The following ZNF839 variants were observed in gnomAD, a reference collection of about 807,000 sequenced individuals.
ZNF839 encodes renal carcinoma antigen NY-REN-50.
ZNF839 carries 38 observed loss-of-function variants against 56.4 expected under a neutral mutation model. The ratio of observed to expected loss-of-function variants is 0.67; its 90% CI spans 0.52 to 0.88. The LOEUF is 0.88. Among genes scored for constraint, ZNF839 ranks in the 40% least tolerant of loss-of-function variants. The pLI, the probability that ZNF839 is intolerant of heterozygous loss-of-function variation, is 0.00. For missense variants in ZNF839, 1,091 were observed against 1,177.6 expected (o/e 0.93, Z 1.08); for synonymous variants, 486 against 493.5 (o/e 0.98, Z 0.20).
At chr14:102,319,585 C>T, upstream of ZNF839, 1 of 829,378 alleles carries the variant, frequency 1.2e-6, no homozygotes, top group Non-Finnish European at 1.6e-6. The surrounding 1 kb of genome is among the most constrained non-coding windows in gnomAD (Gnocchi z 4.5). Context: ...GCTGATCAGC[C>T]CTAAGAGCCG....
Position 102,335,703 on chromosome 14 carries a change from T to C in ZNF839, c.1524T>C (p.His508=). 2.5e-6 allele frequency: 4 copies of C among 1,595,272 alleles called. No individual in the cohort carries two copies. Among genetic ancestry groups the C allele is most frequent in the Non-Finnish European group, 3.4e-6 (4 of 1,178,248 alleles). ...EFLLMKVEKD[H]LAKPFFPAIY... is the part of the protein sequence containing the mutation. ...TCTTCACGAAGGTTGAAAAAGATCA[T>C]CTAGCAAAGCCTTTTTTCCCAGCTA... Residue 508 remains histidine, a synonymous_variant, in exon 5 of 8, where the codon CAT becomes CAC. Transcript: ENST00000442396.
intron 7 of ZNF839, among the ~76,000 whole-genome samples, chr14:102,339,534 C>T (rs1472828744): frequency 6.6e-6 from 1 of 152,086 alleles, no homozygotes; most frequent in Admixed American, 6.6e-5. Flanking sequence ...CACCTGACGT[C>T]GGGAATTCGA....
upstream of ZNF839, among the ~76,000 whole-genome samples, chr14:102,317,854 A>G (rs1442904837): frequency 1.3e-5 from 2 of 152,186 alleles, no homozygotes; most frequent in Non-Finnish European, 2.9e-5. Context: ...TTGAAGCCAG[A>G]GCAAGTGGAT....
rs752654978 is a variant in ZNF839 at position 102,326,797 on chromosome 14, G to A, written c.1101G>A (p.Leu367=). 1.2e-6 allele frequency: 2 copies of A among 1,612,004 alleles called. No individual in the cohort carries two copies. Among genetic ancestry groups the A allele is most frequent in the South Asian group, 2.2e-5 (2 of 90,664 alleles). Residue 367 remains leucine, a synonymous_variant, in exon 2 of 8, where the codon CTG becomes CTA. Coordinates refer to ENST00000442396, the MANE Select transcript of ZNF839 (RefSeq NM_018335.6). The surrounding 1 kb of genome is among the most constrained non-coding windows in gnomAD (Gnocchi z 4.3). Reference sequence around the variant, plus strand: ...GCACGGAGGAAAGGACGCTCAGCCTGACCTCCCTGGGGCTGTCCATGCCAG... The same window carrying A: ...GCACGGAGGAAAGGACGCTCAGCCTAACCTCCCTGGGGCTGTCCATGCCAG... ...RGCTEERTLS[L]TSLGLSMPAD...
chr14:102,319,981 G>C lies in ZNF839; in HGVS notation c.216G>C (p.Ala72=), dbSNP rs767697188. 1 of 1,171,160 alleles carries C rather than the reference G, an allele frequency of 8.5e-7. No individual in the cohort carries two copies. 72.5% of individuals were successfully genotyped at this position (1,171,160 alleles called of 1,614,324 possible). ...ACGCGGCGCGGCGGCTGCGGGACGC[G>C]GCCCAACAGGCCGCCCTGCAGCGGG... The part of the protein sequence containing the change: ...LRDAARRLRD[A]AQQAALQRGR... Residue 72 remains alanine (A), a synonymous_variant, in exon 1 of 8, where the codon GCG becomes GCC. Coordinates refer to ENST00000442396, the MANE Select transcript of ZNF839 (RefSeq NM_018335.6). This position sits in a 1 kb window ranked among gnomAD's most constrained non-coding sequence, Gnocchi z 4.5.
chr14:102,320,822 C>T (rs1050100867), intron 1 of ZNF839, among the ~76,000 whole-genome samples: 1 of 152,172 alleles, frequency 6.6e-6, no homozygotes, highest in Non-Finnish European at 1.5e-5. Flanking sequence ...AAGACGGTCG[C>T]CCAACTCCGG....
chr14:102,341,842 G>A lies in ZNF839; in HGVS notation c.2447G>A (p.Arg816Lys). Residue 816 changes from arginine (R) to lysine (K), a missense_variant, in exon 8 of 8, where the codon AGG (arginine) becomes AAG (lysine). Transcript: ENST00000442396. ...AGCGTGGCAGTGGACTGTGCCTACA[G>A]GACTGTGCCCAAGCCAGGGCCTCAG... The part of the protein sequence containing the change: ...VDSVAVDCAY[R>K]TVPKPGPQPG... The A allele has an allele frequency of 1.1e-5, 17 of 1,614,050 alleles. No individual in the cohort carries two copies. The highest frequency in any genetic ancestry group is 2.2e-5 in the East Asian group (1 of 44,884).
chr14:102,326,624 C>T lies in ZNF839; in HGVS notation c.928C>T (p.Pro310Ser), dbSNP rs1433893273. 1.2e-6 allele frequency: 2 copies of T among 1,613,582 alleles called. No homozygotes were observed. The highest frequency in any genetic ancestry group is 1.7e-6 in the Non-Finnish European group (2 of 1,179,758). Residue 310 changes from proline to serine, a missense_variant, in exon 2 of 8, where the codon CCC becomes TCC. Transcript: ENST00000442396. This position sits in a 1 kb window ranked among gnomAD's most constrained non-coding sequence, Gnocchi z 4.3. ...TGACTTATCGAGCTGCTCCCTGAGG[C>T]CCAAAAGCTTTAAGTGTCAGACTTG... ...LFDLSSCSLRPKSFKCQTCEK... is the reference protein window; with the variant it reads ...LFDLSSCSLRSKSFKCQTCEK...
At chr14:102,317,832 T>A (rs1338446149), upstream of ZNF839, among the ~76,000 whole-genome samples, 1 of 152,198 alleles carries the variant, frequency 6.6e-6, no homozygotes, top group Admixed American at 6.6e-5. Context: ...TTCTTCCTCT[T>A]GGTTCTACAT....
upstream of ZNF839, chr14:102,319,737 C>G: frequency 3.3e-6 from 4 of 1,227,774 alleles, no homozygotes; most frequent in Non-Finnish European, 4.1e-6. This position sits in a 1 kb window ranked among gnomAD's most constrained non-coding sequence, Gnocchi z 4.5. Flanking sequence ...CGCTCAGCGA[C>G]CCGGGTTCGA....
chr14:102,341,055 C>T (rs988636233), intron 7 of ZNF839: 26 of 181,494 alleles, frequency 1.4e-4, no homozygotes, highest in South Asian at 2.2e-4. Flanking sequence ...GGTGACAGAG[C>T]GAGACTCCAT....
In ZNF839 at chr14:102,341,643, T is replaced by G. The variant is rs778415082; in HGVS notation, c.2248T>G (p.Leu750Val). The change falls in exon 8 of 8, where the codon TTG (leucine) becomes GTG (valine). Residue 750 changes from leucine (L) to valine (V), a missense_variant. Leu to Val is a conservative substitution (Grantham distance 32, BLOSUM62 1). Around this residue, in one of 3 missense-constraint regions of ZNF839, gnomAD observed 431 missense variants for 468.0 expected, o/e 0.92. Transcript: ENST00000442396. The part of the protein sequence containing the change: ...SLRSPGFCSP[L>V]SSGGGAESLP... ...GAGGAGCCCGGGTTTCTGCAGCCCT[T>G]TGTCATCTGGTGGTGGAGCAGAGTC... 2.9e-5 allele frequency: 46 copies of G among 1,613,804 alleles called. No individual in the cohort carries two copies. The highest frequency in any genetic ancestry group is 3.9e-5 in the Non-Finnish European group (46 of 1,179,870).
Position 102,341,811 on chromosome 14 carries a change from G to C in ZNF839, c.2416G>C (p.Val806Leu). ...CCCTCCGCTTGAGAAAATTTTGTCTGTGGATAGCGTGGCAGTGGACTGTGC... is the reference window on the plus strand; with the variant it reads ...CCCTCCGCTTGAGAAAATTTTGTCTCTGGATAGCGTGGCAGTGGACTGTGC... Reference protein sequence around the residue: ...AAPPLEKILSVDSVAVDCAYR... With the variant: ...AAPPLEKILSLDSVAVDCAYR... The change falls in exon 8 of 8, where the codon GTG becomes CTG. Residue 806 changes from valine (V) to leucine (L), a missense_variant. This residue lies in a region of ZNF839 where 431 missense variants were observed against 468.0 expected (regional missense o/e 0.92). Coordinates refer to ENST00000442396, the MANE Select transcript of ZNF839 (RefSeq NM_018335.6). 1 of 1,614,030 alleles carries C rather than the reference G, an allele frequency of 6.2e-7. No homozygotes were observed. The highest frequency in any genetic ancestry group is 1.1e-5 in the South Asian group (1 of 91,084).
chr14:102,326,742 A>G lies in ZNF839; in HGVS notation c.1046A>G (p.Glu349Gly). 5 of 1,613,216 alleles carry G rather than the reference A, an allele frequency of 3.1e-6. No individual in the cohort carries two copies. The highest frequency in any genetic ancestry group is 4.2e-6 in the Non-Finnish European group (5 of 1,179,606). ...TTGGACCCCGAGATGGTGCTGTCTG[A>G]GAAAGCCAGTGGAAGCACCCTCCGG... ...GQLDPEMVLS[E>G]KASGSTLRGC... is the part of the protein sequence containing the mutation. Residue 349 changes from glutamate to glycine, a missense_variant, in exon 2 of 8, where the codon GAG (glutamate) becomes GGG (glycine). Glu to Gly is a moderately conservative substitution (Grantham distance 98). Coordinates refer to ENST00000442396, the MANE Select transcript of ZNF839 (RefSeq NM_018335.6). This position sits in a 1 kb window ranked among gnomAD's most constrained non-coding sequence, Gnocchi z 4.3.
At chr14:102,330,091 G>A (rs1237268637) in intron 2 of ZNF839, among the ~76,000 whole-genome samples, 1 of 151,660 alleles carries the variant, frequency 6.6e-6, no homozygotes, top group Non-Finnish European at 1.5e-5. Context: ...CATTGCGCCC[G>A]GCCTCAGATT....
chr14:102,341,707 A>G lies in ZNF839; in HGVS notation c.2312A>G (p.His771Arg). ...GGGCCTGGACATGCAGAGGCAGGAC[A>G]CCTCGGCAAGGTTTGTGACTTCCAC... Reference protein sequence around the residue: ...PGGPGHAEAGHLGKVCDFHLN... With the variant: ...PGGPGHAEAGRLGKVCDFHLN... Residue 771 changes from histidine to arginine, a missense_variant, in exon 8 of 8, where the codon CAC becomes CGC. By Grantham distance (29) the His-to-Arg change is conservative. Transcript: ENST00000442396. The G allele has an allele frequency of 1.2e-6, 2 of 1,613,954 alleles. No homozygotes were observed. The highest frequency in any genetic ancestry group is 2.2e-5 in the South Asian group (2 of 91,080).
At chr14:102,334,332 G>A (rs956349466) in intron 3 of ZNF839, among the ~76,000 whole-genome samples, 5 of 152,242 alleles carry the variant, frequency 3.3e-5, no homozygotes, top group Non-Finnish European at 7.3e-5. Flanking sequence ...CCTTGCCCAG[G>A]ACAGTGCCCA....
chr14:102,319,918 G>T lies in ZNF839; in HGVS notation c.153G>T (p.Ala51=), dbSNP rs1283083668. ...AGGTCCTGGAGCAGGTGACGAAGGC[G>T]CAGCCGCCGCCGCCGCCGCCCCCCT... is the stretch of plus-strand genomic sequence containing the variant. ...LRQVLEQVTK[A]QPPPPPPPFV... Residue 51 remains alanine, a synonymous_variant, in exon 1 of 8, where the codon GCG becomes GCT. Coordinates refer to ENST00000442396, the MANE Select transcript of ZNF839 (RefSeq NM_018335.6). The surrounding 1 kb of genome is among the most constrained non-coding windows in gnomAD (Gnocchi z 4.5). 1 of 1,172,414 alleles carries T rather than the reference G, an allele frequency of 8.5e-7. No individual in the cohort carries two copies. Among genetic ancestry groups the T allele is most frequent in the Non-Finnish European group, 1.1e-6 (1 of 945,808 alleles). 72.6% of individuals were successfully genotyped at this position (1,172,414 alleles called of 1,614,324 possible).
intron 2 of ZNF839, 172 bp from the exon 3 acceptor site, chr14:102,331,450 A>G (rs1031929986): frequency 1.0e-5 from 6 of 590,772 alleles, no homozygotes; most frequent in Non-Finnish European, 1.8e-5. Context: ...GGGTTTCACC[A>G]TGCTGGCCAG....
Sources: allele counts gnomAD v4.1 joint callset (sites outside exome capture counted in the v4.1 genomes callset), GRCh38; gene constraint gnomAD v4.1.1; regional missense constraint gnomAD v4.1.1; non-coding constraint Gnocchi (gnomAD v3.1); transcripts MANE v1.5; gene names NCBI Gene and HGNC (gene_info 2026-07-23, HGNC 2026-07-21).